The following OTOGL variants were observed in gnomAD, a reference collection of about 807,000 sequenced individuals.
OTOGL encodes the protein otogelin-like protein.
A neutral mutation model predicts 318.5 loss-of-function variants in OTOGL; 285 were observed. The observed-to-expected ratio is 0.89, with a 90% confidence interval of 0.81 to 0.99. OTOGL has a LOEUF of 0.99. OTOGL is among the 50% of genes least tolerant of loss of function. The probability of loss-of-function intolerance (pLI) is 0.00; values close to 1 mark genes in which losing one functional copy is unlikely to be tolerated. For missense variants in OTOGL, 2,899 were observed against 2,845.6 expected (o/e 1.02, Z -0.43); for synonymous variants, 987 against 936.5 (o/e 1.05, Z -0.99).
chr12:80,371,221 C>T (rs1357752324), intron 56 of OTOGL, among the ~76,000 whole-genome samples: 1 of 152,044 alleles, frequency 6.6e-6, no homozygotes, highest in Non-Finnish European at 1.5e-5. Flanking sequence ...GATTTGTGAA[C>T]ATAATATAAT....
intron 44 of OTOGL, among the ~76,000 whole-genome samples, chr12:80,346,047 G>A (rs944019400): frequency 2.0e-5 from 3 of 152,112 alleles, no homozygotes; most frequent in Admixed American, 6.6e-5. Flanking sequence ...ATTTGGCATC[G>A]AACCTCCTCA....
chr12:80,291,116 G>A (rs1485736077), intron 26 of OTOGL, among the ~76,000 whole-genome samples: 2 of 152,078 alleles, frequency 1.3e-5, no homozygotes, highest in Non-Finnish European at 2.9e-5. Context: ...TCTTAACTCT[G>A]AGTCCTGGCA....
rs536363240 is a variant in OTOGL, at chr12:80,271,514, G to A, written c.2519-134G>A. 1.4e-4 allele frequency: 104 copies of A among 767,274 alleles called. 4 individuals are homozygous for A. In the South Asian group the frequency reaches 2.4e-3, roughly 18 times the overall value. The allele number at this position is 767,274 out of a possible 1,614,324, so 47.5% of individuals were successfully genotyped here. ...GAAAATTATATTCTAGTTAGTTACT[G>A]TCTTATGGAAGGCAGCTAACATTCT... On this transcript the variant is annotated intron_variant, in intron 23 of 58. Coordinates refer to ENST00000547103, the MANE Select transcript of OTOGL (RefSeq NM_001378609.3).
At chr12:80,113,508 T>C (rs1869973294) in intron 1 of OTOGL, among the ~76,000 whole-genome samples, 2 of 152,210 alleles carry the variant, frequency 1.3e-5, no homozygotes, top group Admixed American at 6.5e-5. Flanking sequence ...TTTCATTATT[T>C]ACCCAGTAGT....
chr12:80,283,024 G>A (rs964993779), intron 26 of OTOGL, among the ~76,000 whole-genome samples: 1 of 151,926 alleles, frequency 6.6e-6, no homozygotes, highest in Non-Finnish European at 1.5e-5. Context: ...GTTTATTGAA[G>A]TGGACATCTG....
At chr12:80,100,909 C>A (rs992377525) in intron 1 of OTOGL, among the ~76,000 whole-genome samples, 1 of 151,934 alleles carries the variant, frequency 6.6e-6, no homozygotes, top group Non-Finnish European at 1.5e-5. Context: ...TACATTTTAA[C>A]AAAATTCTTT....
At chr12:80,184,773 G>A (rs903708565) in intron 1 of OTOGL, among the ~76,000 whole-genome samples, 1 of 152,042 alleles carries the variant, frequency 6.6e-6, no homozygotes, top group African/African-American at 2.4e-5. Flanking sequence ...AAAAGGAGGA[G>A]CCCCTTTGAG....
chr12:80,328,503 T>C (rs1032388048), intron 35 of OTOGL, among the ~76,000 whole-genome samples, 162 bp from the exon 36 acceptor site: 1 of 152,266 alleles, frequency 6.6e-6, no homozygotes, highest in Non-Finnish European at 1.5e-5. Context: ...CTTGTGATTT[T>C]ATAAAACGAA....
intron 1 of OTOGL, among the ~76,000 whole-genome samples, chr12:80,172,620 A>G (rs559300446): frequency 4.0e-5 from 6 of 150,366 alleles, no homozygotes; most frequent in African/African-American, 1.5e-4. Context: ...TTTTTTTCCT[A>G]TCTTATGTTT....
chr12:80,256,209 CTCTT>C, intron 16 of OTOGL, 124 bp from the exon 17 acceptor site: 13 of 1,120,878 alleles, frequency 1.2e-5, no homozygotes, highest in Non-Finnish European at 1.6e-5. Flanking sequence ...TATATGCACT[CTCTT>C]TCTTTTTTGT....
At chr12:80,265,384 A>G (rs960174964) in intron 20 of OTOGL, 174 bp downstream of exon 20, 1 of 734,562 alleles carries the variant, frequency 1.4e-6, no homozygotes, top group Admixed American at 3.0e-5. Context: ...AAGATTGGAG[A>G]TATGTTGGAT....
Position 80,325,207 on chromosome 12 carries a change from A to G in OTOGL, c.4199+1367A>G, listed in dbSNP as rs377106270. Among the ~76,000 whole-genome samples, 392 of 151,644 alleles carry G rather than the reference A, an allele frequency of 2.6e-3. 2 individuals carry two copies. Among genetic ancestry groups the G allele is most frequent in the Non-Finnish European group, 4.1e-3 (281 of 67,888 alleles). On this transcript the variant is annotated intron_variant, in intron 35 of 58. Coordinates refer to ENST00000547103, the MANE Select transcript of OTOGL (RefSeq NM_001378609.3). ...CCTCTGTAAGATCCAGCCCCTCTGT[A>G]AGATCTGTGAGATCTATGGCAAATG...
At chr12:80,300,957 T>C (rs1426506607) in intron 27 of OTOGL, among the ~76,000 whole-genome samples, 1 of 152,226 alleles carries the variant, frequency 6.6e-6, no homozygotes, top group Non-Finnish European at 1.5e-5. Flanking sequence ...ATATACAATA[T>C]ATACTGTTCT....
intron 1 of OTOGL, among the ~76,000 whole-genome samples, chr12:80,195,399 A>G (rs1875987075): frequency 6.6e-6 from 1 of 152,234 alleles, no homozygotes; most frequent in Non-Finnish European, 1.5e-5. Context: ...CAATTGAAGA[A>G]TGATTACTTT....
chr12:80,182,490 T>C (rs924552735), intron 1 of OTOGL, among the ~76,000 whole-genome samples: 1 of 152,166 alleles, frequency 6.6e-6, no homozygotes. Flanking sequence ...TGGCTTACTA[T>C]AAGAGATGAA....
chr12:80,233,897 C>T (rs1272018456), intron 9 of OTOGL, among the ~76,000 whole-genome samples: 2 of 152,056 alleles, frequency 1.3e-5, no homozygotes, highest in Non-Finnish European at 2.9e-5. Flanking sequence ...TAAAATGGGG[C>T]TATGCTAATT....
chr12:80,149,652 C>T (rs1216196104), intron 1 of OTOGL, among the ~76,000 whole-genome samples: 129 of 152,032 alleles, frequency 8.5e-4, no homozygotes, highest in African/African-American at 2.8e-3. Context: ...CAATGGCGGG[C>T]GCCCCTCCCC....
chr12:80,203,147 A>C (rs1338842642), intron 1 of OTOGL, among the ~76,000 whole-genome samples: 1 of 152,194 alleles, frequency 6.6e-6, no homozygotes, highest in East Asian at 1.9e-4. Flanking sequence ...TAATAGCTTA[A>C]AACAATGGAA....
chr12:80,288,691 T>C (rs1275403770), intron 26 of OTOGL, among the ~76,000 whole-genome samples: 2 of 151,966 alleles, frequency 1.3e-5, no homozygotes. Context: ...CATTTGGCTA[T>C]TGATCCTTTT....
Sources: allele counts gnomAD v4.1 joint callset (sites outside exome capture counted in the v4.1 genomes callset), GRCh38; gene constraint gnomAD v4.1.1; transcripts MANE v1.5; gene names NCBI Gene and HGNC (gene_info 2026-07-23, HGNC 2026-07-21).